The following GUCY1A2 variants were observed in gnomAD, a reference collection of about 807,000 sequenced individuals.
GUCY1A2 encodes the protein guanylate cyclase soluble subunit alpha-2.
Under a neutral mutation model 63.5 loss-of-function variants are expected in GUCY1A2, and 27 were observed. That is an observed-to-expected ratio of 0.43 (90% confidence interval 0.31 to 0.59). GUCY1A2 has a LOEUF of 0.59. Ranked by LOEUF, GUCY1A2 falls within the 20% of genes least tolerant of loss-of-function variation. GUCY1A2 has a pLI of 0.11. For synonymous variants in GUCY1A2, 364 were observed against 343.5 expected, an observed-to-expected ratio of 1.06 and a Z score of -0.66; for missense variants, 768 against 913.3, an observed-to-expected ratio of 0.84 and a Z score of 2.05.
intron 6 of GUCY1A2, chr11:106,746,512 T>G (rs368599476): frequency 3.7e-4 from 385 of 1,048,970 alleles, no homozygotes; most frequent in Non-Finnish European, 5.3e-4. Context: ...CATAGCTGTA[T>G]CCTCTGTTTT....
Position 106,746,985 on chromosome 11 carries a change from T to G in GUCY1A2, c.1836+29454A>C, listed in dbSNP as rs113799821. On this transcript the variant is annotated intron_variant, in intron 6 of 7. Coordinates refer to ENST00000526355, the MANE Select transcript of GUCY1A2 (RefSeq NM_000855.3). ...TCCTTTAAGAATCAAAAGATGTGGG[T>G]TTTTTTTGTTTGTTTGTTTTGAGAT... is the stretch of plus-strand genomic sequence containing the variant. Among the ~76,000 whole-genome samples, 805 of 151,918 alleles carry G rather than the reference T, an allele frequency of 5.3e-3. 11 individuals are homozygous for G. Among genetic ancestry groups the G allele is most frequent in the African/African-American group, 0.017 (690 of 41,432 alleles).
intron 3 of GUCY1A2, among the ~76,000 whole-genome samples, chr11:106,952,044 T>C (rs143525758): frequency 0.041 from 6,171 of 152,248 alleles, 658 homozygotes; most frequent in East Asian, 0.29. Context: ...GATCAGATGG[T>C]TGCAGATATG....
chr11:106,708,718 C>A, intron 6 of GUCY1A2, 52 bp from the exon 7 acceptor site: 2 of 1,283,014 alleles, frequency 1.6e-6, no homozygotes, highest in South Asian at 1.6e-5. Context: ...ATTTGGTATG[C>A]AATTATTTTA....
intron 4 of GUCY1A2, among the ~76,000 whole-genome samples, chr11:106,859,622 T>G (rs932406762): frequency 6.6e-6 from 1 of 152,032 alleles, no homozygotes; most frequent in African/African-American, 2.4e-5. Context: ...CAAAAAATAA[T>G]GACAATACAA....
At chr11:106,711,067 G>T (rs1863109471) in intron 6 of GUCY1A2, among the ~76,000 whole-genome samples, 1 of 152,088 alleles carries the variant, frequency 6.6e-6, no homozygotes, top group Non-Finnish European at 1.5e-5. Flanking sequence ...TGAAAATTCA[G>T]TATGGTAGAA....
At position 106,993,621 on chromosome 11, in the gene GUCY1A2, T is replaced by TA. The variant is rs1299373871; in HGVS notation, c.304-7491dup. Among the ~76,000 whole-genome samples, 10 of 151,854 alleles carry TA rather than the reference T, an allele frequency of 6.6e-5. No individual in the cohort carries two copies. In the Middle Eastern group the frequency reaches 0.01, roughly 156 times the overall value. ...TCCAGCTGTGCTACTGACCTTTTTT[T>TA]AAAAAAAATAAAATTAGCCAATATC... On this transcript the variant is annotated intron_variant, in intron 1 of 7. Coordinates refer to ENST00000526355, the MANE Select transcript of GUCY1A2 (RefSeq NM_000855.3).
At chr11:106,937,282 C>CT (rs1565337095) in intron 4 of GUCY1A2, among the ~76,000 whole-genome samples, 2 of 152,120 alleles carry the variant, frequency 1.3e-5, no homozygotes, top group Non-Finnish European at 2.9e-5. Flanking sequence ...AGCACAGTTC[C>CT]TTATTATTGG....
At chr11:106,982,301 C>CTT (rs915493120) in intron 2 of GUCY1A2, among the ~76,000 whole-genome samples, 2 of 152,148 alleles carry the variant, frequency 1.3e-5, no homozygotes, top group African/African-American at 4.8e-5. Context: ...TCCTCAGTTG[C>CTT]TTTTAATTTC....
At chr11:106,691,768 T>A (rs2135336393) in intron 7 of GUCY1A2, among the ~76,000 whole-genome samples, 1 of 152,324 alleles carries the variant, frequency 6.6e-6, no homozygotes, top group South Asian at 2.1e-4. Flanking sequence ...AGTAAACATT[T>A]TGGTATCCAT....
rs564404559 is a variant in GUCY1A2 at position 106,687,669 on chromosome 11, G to A, written c.2079C>T (p.Ile693=). 2.5e-6 allele frequency: 4 copies of A among 1,613,034 alleles called. No homozygotes were observed. The highest frequency in any genetic ancestry group is 4.5e-5 in the East Asian group (2 of 44,872). ...CAGTCCTTACCTCCAGGAAATAGCA[G>A]ATCCCAGGAATTTCCTTTGGAAAGT... ...PDNFPKEIPG[I]CYFLEVRTGP... The change falls in exon 8 of 8, where the codon ATC becomes ATT. Residue 693 remains isoleucine, a synonymous_variant. Transcript: ENST00000526355.
chr11:106,856,039 C>A (rs1000711948), intron 4 of GUCY1A2, among the ~76,000 whole-genome samples: 4 of 151,764 alleles, frequency 2.6e-5, no homozygotes, highest in African/African-American at 7.3e-5. Flanking sequence ...GATCCTCCCA[C>A]CTCAGCCTCC....
intron 4 of GUCY1A2, among the ~76,000 whole-genome samples, chr11:106,830,617 G>A (rs567726171): frequency 1.1e-4 from 16 of 152,216 alleles, no homozygotes; most frequent in African/African-American, 3.9e-4. Flanking sequence ...GATGCTTCCT[G>A]CTCTCGAACA....
chr11:106,951,756 C>T (rs1053659920), intron 3 of GUCY1A2, among the ~76,000 whole-genome samples: 2 of 152,158 alleles, frequency 1.3e-5, no homozygotes, highest in African/African-American at 2.4e-5. Context: ...CCCCACTTGT[C>T]AATTTTGGAT....
chr11:106,788,834 G>C (rs116765574), intron 5 of GUCY1A2, among the ~76,000 whole-genome samples: 1 of 152,128 alleles, frequency 6.6e-6, no homozygotes, highest in South Asian at 2.1e-4. Context: ...GTCAGGTATT[G>C]TAATTCCTTG....
rs915543600 is a variant in GUCY1A2, at chr11:106,796,244, G to T, written c.1692+13749C>A. Among the ~76,000 whole-genome samples, 3 of 152,170 alleles carry T rather than the reference G, an allele frequency of 2.0e-5. No individual in the cohort carries two copies. The South Asian group carries it at 6.2e-4, about 32-fold the overall frequency. ...TCTCCTGAATACAGCACACTGATGGGTCTTGACTCTTTATCCAATTTGCCA... is the reference window on the plus strand; with the variant it reads ...TCTCCTGAATACAGCACACTGATGGTTCTTGACTCTTTATCCAATTTGCCA... On this transcript the variant is annotated intron_variant, in intron 5 of 7. Coordinates refer to ENST00000526355, the MANE Select transcript of GUCY1A2 (RefSeq NM_000855.3).
Position 106,677,561 on chromosome 11 carries a change from C to T in GUCY1A2, c.*9988G>A. The T allele has an allele frequency of 4.8e-6, 1 of 210,182 alleles. No homozygotes were observed. Among genetic ancestry groups the T allele is most frequent in the Non-Finnish European group, 9.7e-6 (1 of 103,448 alleles). 13.0% of individuals were successfully genotyped at this position (210,182 alleles called of 1,614,324 possible). ...ATTTTTGTCCCTTTAAATATTCACT[C>T]TAATTAGCATATTTATTAAATTTCT... is the stretch of plus-strand genomic sequence containing the variant. On this transcript the variant is annotated 3_prime_UTR_variant, in exon 8 of 8. Transcript: ENST00000526355.
intron 4 of GUCY1A2, among the ~76,000 whole-genome samples, chr11:106,893,219 T>C (rs911509805): frequency 2.0e-5 from 3 of 152,188 alleles, no homozygotes; most frequent in Non-Finnish European, 2.9e-5. Flanking sequence ...GTCATATATA[T>C]GACATAATTT....
At chr11:106,692,935 T>C (rs1283728199) in intron 7 of GUCY1A2, among the ~76,000 whole-genome samples, 1 of 152,220 alleles carries the variant, frequency 6.6e-6, no homozygotes, top group Non-Finnish European at 1.5e-5. Flanking sequence ...AGCGGCAGAC[T>C]AGTATATATA....
chr11:106,999,819 T>C (rs1861589693), intron 1 of GUCY1A2, among the ~76,000 whole-genome samples: 1 of 152,188 alleles, frequency 6.6e-6, no homozygotes, highest in South Asian at 2.1e-4. Flanking sequence ...ATCAAAACAA[T>C]TGGATATTTG....
Sources: allele counts gnomAD v4.1 joint callset (sites outside exome capture counted in the v4.1 genomes callset), GRCh38; gene constraint gnomAD v4.1.1; transcripts MANE v1.5; gene names NCBI Gene and HGNC (gene_info 2026-07-23, HGNC 2026-07-21).